Variants in NEDD4L observed in about 807,000 individuals in gnomAD.
NEDD4L encodes NEDD4 like E3 ubiquitin protein ligase.
NEDD4L carries 54 observed loss-of-function variants against 148.9 expected under a neutral mutation model. The observed-to-expected ratio is 0.36, with a 90% confidence interval of 0.29 to 0.45. NEDD4L has a LOEUF of 0.45. Among genes scored for constraint, NEDD4L ranks in the 20% least tolerant of loss-of-function variants. NEDD4L has a pLI of 1.00. For missense variants in NEDD4L, 856 were observed against 1,233.8 expected, an observed-to-expected ratio of 0.69 and a Z score of 4.59; for synonymous variants, 433 against 440.7, an observed-to-expected ratio of 0.98 and a Z score of 0.22.
At chr18:58,078,741 T>G (rs2083293122) in intron 1 of NEDD4L, among the ~76,000 whole-genome samples, 1 of 152,160 alleles carries the variant, frequency 6.6e-6, no homozygotes, top group Non-Finnish European at 1.5e-5. Flanking sequence ...GGGGAGCCAG[T>G]AGGTGACAGG....
intron 5 of NEDD4L, among the ~76,000 whole-genome samples, chr18:58,278,454 T>G (rs2052489305): frequency 6.6e-6 from 1 of 152,248 alleles, no homozygotes; most frequent in Non-Finnish European, 1.5e-5. Flanking sequence ...GACGGACCCC[T>G]TCTAATCCAC....
intron 15 of NEDD4L, among the ~76,000 whole-genome samples, chr18:58,342,102 G>C (rs1356894070): frequency 6.6e-6 from 1 of 152,216 alleles, no homozygotes; most frequent in African/African-American, 2.4e-5. Context: ...CTTTTTGCCT[G>C]TTACCTCATT....
intron 5 of NEDD4L, among the ~76,000 whole-genome samples, chr18:58,307,839 G>A (rs1202455179): frequency 2.0e-5 from 3 of 151,972 alleles, no homozygotes; most frequent in Non-Finnish European, 2.9e-5. Flanking sequence ...GTTACCAAGA[G>A]TGTCTGTCAT....
chr18:58,283,264 C>T (rs556542509), intron 5 of NEDD4L, among the ~76,000 whole-genome samples: 17 of 152,134 alleles, frequency 1.1e-4, no homozygotes, highest in African/African-American at 3.1e-4. Context: ...TTAGTAGAGA[C>T]GGGGTTTCAC....
intron 9 of NEDD4L, among the ~76,000 whole-genome samples, chr18:58,327,263 A>G (rs894168862): frequency 1.3e-5 from 2 of 152,086 alleles, no homozygotes; most frequent in African/African-American, 4.8e-5. Context: ...ATGCCCAGCT[A>G]ATGTTTGTAT....
chr18:58,248,895 C>A lies in NEDD4L; in HGVS notation c.205-4C>A. On this transcript the variant is annotated splice_region_variant and splice_polypyrimidine_tract_variant and intron_variant, in intron 3 of 30. Coordinates refer to ENST00000400345, the MANE Select transcript of NEDD4L (RefSeq NM_001144967.3). ...AAGATACTACAAGATAATTTCTCTTCCAGACACTGAACCCAAAATGGAATG... is the reference window on the plus strand; with the variant it reads ...AAGATACTACAAGATAATTTCTCTTACAGACACTGAACCCAAAATGGAATG... The A allele has an allele frequency of 6.8e-7, 1 of 1,472,336 alleles. No homozygotes were observed. The highest frequency in any genetic ancestry group is 9.3e-7 in the Non-Finnish European group (1 of 1,075,054). The allele number at this position is 1,472,336 out of a possible 1,614,324, so 91.2% of individuals were successfully genotyped here.
At chr18:58,357,822 G>A (rs773547861) in intron 19 of NEDD4L, among the ~76,000 whole-genome samples, 37 of 152,230 alleles carry the variant, frequency 2.4e-4, no homozygotes, top group African/African-American at 5.5e-4. Context: ...TTAAAACACC[G>A]TAGCACACTG....
At chr18:58,390,812 G>C in intron 29 of NEDD4L, 70 bp downstream of exon 29, 1 of 1,105,544 alleles carries the variant, frequency 9.0e-7, no homozygotes, top group Non-Finnish European at 1.4e-6. Context: ...TCTGGCCCAA[G>C]AACCCTGCCG....
intron 5 of NEDD4L, among the ~76,000 whole-genome samples, chr18:58,270,311 A>T (rs573920054): frequency 2.6e-5 from 4 of 152,268 alleles, no homozygotes; most frequent in Admixed American, 6.5e-5. Context: ...GGGTCAACTC[A>T]TTTTTTAGGG....
intron 12 of NEDD4L, 133 bp downstream of exon 12, chr18:58,334,025 G>T: frequency 1.8e-6 from 1 of 552,568 alleles, no homozygotes; most frequent in African/African-American, 1.9e-5. Context: ...AAATTTCCTG[G>T]CCAATTGCCC....
chr18:58,191,515 G>A (rs2040114824), intron 2 of NEDD4L, among the ~76,000 whole-genome samples: 1 of 152,168 alleles, frequency 6.6e-6, no homozygotes, highest in African/African-American at 2.4e-5. Context: ...GGACTGAGGT[G>A]ATCTGAAGGT....
intron 1 of NEDD4L, among the ~76,000 whole-genome samples, chr18:58,096,699 G>A (rs902356333): frequency 3.3e-5 from 5 of 152,116 alleles, no homozygotes; most frequent in Non-Finnish European, 5.9e-5. Flanking sequence ...CCTGGCCTTA[G>A]TGTGATTTTG....
At chr18:58,122,684 G>A (rs1432668275) in intron 1 of NEDD4L, among the ~76,000 whole-genome samples, 1 of 152,004 alleles carries the variant, frequency 6.6e-6, no homozygotes, top group Non-Finnish European at 1.5e-5. Context: ...TGCTTTCAAA[G>A]CAGTTGTCAA....
intron 1 of NEDD4L, among the ~76,000 whole-genome samples, chr18:58,089,452 CT>C (rs1161951785): frequency 1.3e-5 from 2 of 152,184 alleles, no homozygotes; most frequent in African/African-American, 4.8e-5. Context: ...ATAATTCTAT[CT>C]TTCCATAGAA....
At chr18:58,094,097 C>T (rs2084232704) in intron 1 of NEDD4L, among the ~76,000 whole-genome samples, 1 of 152,110 alleles carries the variant, frequency 6.6e-6, no homozygotes, top group African/African-American at 2.4e-5. Context: ...TTTCCTAGTG[C>T]AGCTTGCAAA....
At chr18:58,226,146 T>C (rs1227653164) in intron 2 of NEDD4L, among the ~76,000 whole-genome samples, 1 of 152,178 alleles carries the variant, frequency 6.6e-6, no homozygotes, top group East Asian at 1.9e-4. Context: ...GAAAAAAATA[T>C]TTCCACTCAT....
chr18:58,207,173 T>C (rs2042063559), intron 2 of NEDD4L, among the ~76,000 whole-genome samples: 1 of 152,182 alleles, frequency 6.6e-6, no homozygotes. Context: ...GCCGGCGCCA[T>C]TTTATATTTT....
At chr18:58,069,650 A>G (rs1473866080) in intron 1 of NEDD4L, among the ~76,000 whole-genome samples, 1 of 152,180 alleles carries the variant, frequency 6.6e-6, no homozygotes, top group African/African-American at 2.4e-5. Flanking sequence ...AAATAATGGT[A>G]AATATCCCAC....
At position 58,098,844 on chromosome 18, in the gene NEDD4L, C is replaced by T. The variant is rs138522647; in HGVS notation, c.48+54136C>T. On this transcript the variant is annotated intron_variant, in intron 1 of 30. Coordinates refer to ENST00000400345, the MANE Select transcript of NEDD4L (RefSeq NM_001144967.3). Reference sequence around the variant, plus strand: ...TTTTGAAAATGTATCAAATTGCTGACGTCTCTGAGCACCAGTTTCCCAATG... The same window carrying T: ...TTTTGAAAATGTATCAAATTGCTGATGTCTCTGAGCACCAGTTTCCCAATG... Among the ~76,000 whole-genome samples the T allele has an allele frequency of 2.6e-3, 393 of 152,272 alleles. 3 individuals are homozygous for T. Among genetic ancestry groups the T allele is most frequent in the Middle Eastern group, 6.8e-3 (2 of 294 alleles).
Sources: gnomAD v4.1 joint callset for allele counts (sites outside exome capture counted in the v4.1 genomes callset) on GRCh38, gnomAD v4.1.1 for gene constraint, MANE v1.5 for transcripts, NCBI Gene and HGNC (gene_info 2026-07-23, HGNC 2026-07-21) for gene names.